The following LPL variants were observed in gnomAD, a reference collection of about 807,000 sequenced individuals.
The protein encoded by LPL is lipoprotein lipase.
Under a neutral mutation model 52.2 loss-of-function variants are expected in LPL, and 43 were observed. The ratio of observed to expected loss-of-function variants is 0.82; its 90% CI spans 0.64 to 1.06. The LOEUF (loss-of-function observed/expected upper bound fraction) is 1.06. LPL is among the 50% of genes least tolerant of loss of function. The probability of loss-of-function intolerance (pLI) is 0.00; values close to 1 mark genes in which losing one functional copy is unlikely to be tolerated. For missense variants in LPL, 639 were observed against 585.3 expected (o/e 1.09, Z -0.95); for synonymous variants, 244 against 215.6 (o/e 1.13, Z -1.15).
At position 19,944,624 on chromosome 8, in the gene LPL, A is replaced by G. The variant is rs56043715; in HGVS notation, c.89-3556A>G. Among the ~76,000 whole-genome samples, 12,108 of 151,962 alleles carry G rather than the reference A, an allele frequency of 0.08. 1,219 individuals are homozygous for G. Among genetic ancestry groups the G allele is most frequent in the African/African-American group, 0.24 (10,077 of 41,390 alleles). ...CTGCTGCTTTCCTGGGATGCTCAAC[A>G]CTTCCCTCTTTCTAGCAACAAGAAT... On this transcript the variant is annotated intron_variant, in intron 1 of 9. Coordinates refer to ENST00000650287, the MANE Select transcript of LPL (RefSeq NM_000237.3). This position sits in a 1 kb window ranked among gnomAD's most constrained non-coding sequence, Gnocchi z 4.2.
At chr8:19,959,444 G>A in intron 7 of LPL, 64 bp downstream of exon 7, 1 of 1,591,578 alleles carries the variant, frequency 6.3e-7, no homozygotes, top group Non-Finnish European at 8.6e-7. Flanking sequence ...CCCTTGGTCT[G>A]AGCAGCAGAA....
At chr8:19,952,573 C>A (rs1179448906) in intron 3 of LPL, among the ~76,000 whole-genome samples, 1 of 150,854 alleles carries the variant, frequency 6.6e-6, no homozygotes, top group Non-Finnish European at 1.5e-5. Context: ...ATACTCTGAC[C>A]AAGGCAAATT....
intron 6 of LPL, among the ~76,000 whole-genome samples, chr8:19,958,775 A>G (rs192934442): frequency 2.0e-5 from 3 of 152,156 alleles, no homozygotes; most frequent in African/African-American, 7.2e-5. Context: ...TGATCCTGTG[A>G]CCGGAAGCCC....
intron 1 of LPL, among the ~76,000 whole-genome samples, chr8:19,943,002 A>G (rs988457591): frequency 6.6e-6 from 1 of 152,204 alleles, no homozygotes; most frequent in African/African-American, 2.4e-5. Flanking sequence ...GACTGTTTGA[A>G]TGAATAAACG....
intron 1 of LPL, among the ~76,000 whole-genome samples, chr8:19,947,360 C>A (rs1485222202): frequency 6.6e-6 from 1 of 152,030 alleles, no homozygotes; most frequent in Non-Finnish European, 1.5e-5. Flanking sequence ...CAAAAATTAA[C>A]CAGGCCCGGT....
chr8:19,958,131 G>T (rs767602435), intron 6 of LPL, among the ~76,000 whole-genome samples: 1 of 151,906 alleles, frequency 6.6e-6, no homozygotes. Context: ...CGATTCTCCT[G>T]CCTCAGCCTC....
At chr8:19,962,011 A>T in intron 8 of LPL, 104 bp from the exon 9 acceptor site, 1 of 805,514 alleles carries the variant, frequency 1.2e-6, no homozygotes, top group Admixed American at 1.7e-5. Context: ...ACAATTACCC[A>T]GCATGATCAT....
rs752377317 is a variant in LPL, at chr8:19,951,980, A to G, written c.429+32A>G. The G allele has an allele frequency of 1.2e-5, 19 of 1,613,068 alleles. No individual in the cohort carries two copies. In the South Asian group the frequency reaches 1.4e-4, roughly 12 times the overall value. On this transcript the variant is annotated intron_variant, in intron 3 of 9. Transcript: ENST00000650287. The stretch of plus-strand genomic sequence containing the variant: ...CTGGGAGAAGGAGACTTATGTGTCC[A>G]AAACAGTGTTTTTGACTGGAGCCAG...
At chr8:19,953,717 G>A (rs548716414) in intron 4 of LPL, among the ~76,000 whole-genome samples, 1 of 99,324 alleles carries the variant, frequency 1.0e-5, no homozygotes, top group African/African-American at 8.0e-5. Flanking sequence ...TGTTTTAGTA[G>A]TGTAAATGCA....
chr8:19,945,311 C>A (rs1386976727), intron 1 of LPL, among the ~76,000 whole-genome samples: 1 of 152,034 alleles, frequency 6.6e-6, no homozygotes, highest in East Asian at 1.9e-4. Flanking sequence ...GAGACATCCT[C>A]GGGGGGTTGC....
rs2070080683 is a variant in LPL, at chr8:19,965,703, C to G, written c.*393C>G. On this transcript the variant is annotated 3_prime_UTR_variant, in exon 10 of 10. Coordinates refer to ENST00000650287, the MANE Select transcript of LPL (RefSeq NM_000237.3). ...TAATTGGAATTCTGGATCTTTCGGA[C>G]TGAGGCCTTCTCAAACTTTACTCTA... The G allele has an allele frequency of 5.5e-6, 1 of 180,500 alleles. No individual in the cohort carries two copies. Among genetic ancestry groups the G allele is most frequent in the Non-Finnish European group, 1.2e-5 (1 of 86,444 alleles). The allele number at this position is 180,500 out of a possible 1,614,324, so 11.2% of individuals were successfully genotyped here.
rs2070056312 is a variant in LPL at position 19,963,312 on chromosome 8, T to G, written c.1427+1093T>G. 2.0e-5 allele frequency among the ~76,000 whole-genome samples: 3 copies of G among 152,050 alleles called. No individual in the cohort carries two copies. In the South Asian group the frequency reaches 6.2e-4, roughly 32 times the overall value. ...TTAGCTGGGTGTGGCGGCACATGCCTGTAATCCCAGCTACTCGGCAGGCTG... is the reference window on the plus strand; with the variant it reads ...TTAGCTGGGTGTGGCGGCACATGCCGGTAATCCCAGCTACTCGGCAGGCTG... On this transcript the variant is annotated intron_variant, in intron 9 of 9. Coordinates refer to ENST00000650287, the MANE Select transcript of LPL (RefSeq NM_000237.3).
At chr8:19,964,848 G>A (rs2070071659) in intron 9 of LPL, among the ~76,000 whole-genome samples, 2 of 152,060 alleles carry the variant, frequency 1.3e-5, no homozygotes, top group South Asian at 2.1e-4. Flanking sequence ...TTTTAAAAAC[G>A]TACCTGAACT....
At chr8:19,948,915 T>C (rs2069907102) in intron 2 of LPL, among the ~76,000 whole-genome samples, 1 of 151,592 alleles carries the variant, frequency 6.6e-6, no homozygotes, top group Admixed American at 6.6e-5. Context: ...TTGTAAACTT[T>C]AGGGAGCCTT....
intron 6 of LPL, among the ~76,000 whole-genome samples, chr8:19,958,490 A>G (rs542922932): frequency 1.3e-5 from 2 of 152,292 alleles, no homozygotes; most frequent in African/African-American, 4.8e-5. Flanking sequence ...TGTCCCTAGT[A>G]TAGAATACTT....
intron 3 of LPL, among the ~76,000 whole-genome samples, chr8:19,952,961 G>C (rs2069948502): frequency 6.6e-6 from 1 of 152,120 alleles, no homozygotes; most frequent in Non-Finnish European, 1.5e-5. Flanking sequence ...TGTACGTATA[G>C]TATATGGTTA....
At chr8:19,949,236 C>T (rs1008861223) in intron 2 of LPL, among the ~76,000 whole-genome samples, 2 of 152,098 alleles carry the variant, frequency 1.3e-5, no homozygotes, top group African/African-American at 4.8e-5. Context: ...TGAGAACTAA[C>T]TAAAAATAAC....
chr8:19,956,123 C>T, intron 6 of LPL, 40 bp downstream of exon 6: 1 of 1,612,530 alleles, frequency 6.2e-7, no homozygotes, highest in East Asian at 2.2e-5. Flanking sequence ...ACCAAGGAGT[C>T]CTATTTCATC....
Position 19,939,678 on chromosome 8 carries a change from C to T in LPL, c.88+150C>T, listed in dbSNP as rs527412337. Reference sequence around the variant, plus strand: ...TGGGCTCTAGCCCCGAAACGGTCCCCGGAGTGGGATCCAGGAGGGGCCGGG... The same window carrying T: ...TGGGCTCTAGCCCCGAAACGGTCCCTGGAGTGGGATCCAGGAGGGGCCGGG... On this transcript the variant is annotated intron_variant, in intron 1 of 9. Transcript: ENST00000650287. The surrounding 1 kb of genome is among the most constrained non-coding windows in gnomAD (Gnocchi z 4.0). The T allele has an allele frequency of 7.6e-4, 592 of 782,926 alleles. No homozygotes were observed. Among genetic ancestry groups the T allele is most frequent in the Admixed American group, 1.3e-3 (50 of 37,568 alleles). 48.5% of individuals were successfully genotyped at this position (782,926 alleles called of 1,614,324 possible). A position where few individuals can be genotyped will look rare whatever the true frequency, so the allele number is the denominator to read the frequency against.
Sources: gnomAD v4.1 joint callset for allele counts (sites outside exome capture counted in the v4.1 genomes callset) on GRCh38, gnomAD v4.1.1 for gene constraint, Gnocchi (gnomAD v3.1) non-coding constraint, MANE v1.5 for transcripts, NCBI Gene and HGNC (gene_info 2026-07-23, HGNC 2026-07-21) for gene names.